Variants in CNTNAP5 observed in about 807,000 individuals in gnomAD.
CNTNAP5 encodes contactin-associated protein-like 5.
A neutral mutation model predicts 150.2 loss-of-function variants in CNTNAP5; 72 were observed. That is an observed-to-expected ratio of 0.48 (90% CI 0.40 to 0.58). The LOEUF (loss-of-function observed/expected upper bound fraction) is 0.58. Ranked by LOEUF, CNTNAP5 falls within the 20% of genes least tolerant of loss-of-function variation. The probability of loss-of-function intolerance (pLI) is 0.00; values close to 1 mark genes in which losing one functional copy is unlikely to be tolerated. For missense variants in CNTNAP5, 1,636 were observed against 1,626.2 expected (o/e 1.01, Z -0.10); for synonymous variants, 672 against 619.8 (o/e 1.08, Z -1.25).
chr2:124,550,797 G>C (rs1403447164), intron 10 of CNTNAP5, among the ~76,000 whole-genome samples: 2 of 151,988 alleles, frequency 1.3e-5, no homozygotes, highest in Non-Finnish European at 2.9e-5. Flanking sequence ...AAGCTAATAG[G>C]GGGTTCTCTT....
At position 124,307,419 on chromosome 2, in the gene CNTNAP5, C is replaced by A. The variant is rs540892156; in HGVS notation, c.381+65026C>A. ...TCAACATACGATTTGGGGAAGGACG[C>A]TAACCTACTGTCTACAACAAAGCTC... On this transcript the variant is annotated intron_variant, in intron 3 of 23. Transcript: ENST00000682447. Among the ~76,000 whole-genome samples the A allele has an allele frequency of 3.9e-5, 6 of 152,244 alleles. No individual in the cohort carries two copies. In the East Asian group the frequency reaches 1.2e-3, roughly 30 times the overall value.
At chr2:124,463,027 G>A (rs1000150946) in intron 6 of CNTNAP5, among the ~76,000 whole-genome samples, 1 of 152,154 alleles carries the variant, frequency 6.6e-6, no homozygotes, top group Non-Finnish European at 1.5e-5. Flanking sequence ...GAAGGCGGTG[G>A]CAACCTCCTA....
chr2:124,778,027 C>T (rs1177468942), intron 17 of CNTNAP5, among the ~76,000 whole-genome samples: 1 of 152,120 alleles, frequency 6.6e-6, no homozygotes, highest in Non-Finnish European at 1.5e-5. Context: ...TTATGTGAAA[C>T]TGGCATTCTA....
chr2:124,584,544 A>G (rs1696486905), intron 11 of CNTNAP5, among the ~76,000 whole-genome samples: 1 of 152,192 alleles, frequency 6.6e-6, no homozygotes, highest in African/African-American at 2.4e-5. Context: ...TGCACAAGCT[A>G]AAGGACACAG....
intron 8 of CNTNAP5, among the ~76,000 whole-genome samples, chr2:124,508,551 T>G (rs2104867929): frequency 6.6e-6 from 1 of 152,246 alleles, no homozygotes; most frequent in Non-Finnish European, 1.5e-5. Context: ...TAAGCGCACG[T>G]CAGTCCATTA....
chr2:124,322,155 TAATAATAATAAAATAA>T (rs1057431005), intron 3 of CNTNAP5, among the ~76,000 whole-genome samples: 4 of 141,194 alleles, frequency 2.8e-5, no homozygotes, highest in African/African-American at 1.1e-4. Flanking sequence ...ATCTCCAAAA[TAATAATAATAAAATAA>T]AATAAAATAA....
chr2:124,535,254 G>C (rs556158911), intron 10 of CNTNAP5, among the ~76,000 whole-genome samples: 1 of 152,264 alleles, frequency 6.6e-6, no homozygotes, highest in South Asian at 2.1e-4. Flanking sequence ...CCACACAGAG[G>C]GAGGCAAAGT....
chr2:124,618,952 C>T (rs542539724), intron 12 of CNTNAP5, among the ~76,000 whole-genome samples: 1 of 152,250 alleles, frequency 6.6e-6, no homozygotes, highest in African/African-American at 2.4e-5. Flanking sequence ...GTAAGAAACA[C>T]ACACTGAATA....
chr2:124,623,937 G>A (rs1677668178), intron 12 of CNTNAP5, among the ~76,000 whole-genome samples: 1 of 152,180 alleles, frequency 6.6e-6, no homozygotes, highest in Non-Finnish European at 1.5e-5. Context: ...GACTATTTTA[G>A]GCTGAAGAAT....
At chr2:124,309,888 T>G (rs1034608927) in intron 3 of CNTNAP5, among the ~76,000 whole-genome samples, 7 of 152,182 alleles carry the variant, frequency 4.6e-5, no homozygotes, top group South Asian at 4.1e-4. Flanking sequence ...GAAATACATA[T>G]TTATCCTAAG....
At chr2:124,499,784 G>A (rs1694235230) in intron 7 of CNTNAP5, among the ~76,000 whole-genome samples, 1 of 152,066 alleles carries the variant, frequency 6.6e-6, no homozygotes, top group South Asian at 2.1e-4. Flanking sequence ...ATTGTTATTG[G>A]TATTAATCAG....
At chr2:124,706,934 AAGAAGAAGG>A (rs1219216929) in intron 13 of CNTNAP5, among the ~76,000 whole-genome samples, 8 of 106,878 alleles carry the variant, frequency 7.5e-5, no homozygotes, top group African/African-American at 2.0e-4. Context: ...GAAGAAGAAG[AAGAAGAAGG>A]AGGAGGAGGA....
intron 14 of CNTNAP5, among the ~76,000 whole-genome samples, chr2:124,754,415 G>A (rs1316451277): frequency 6.6e-6 from 1 of 152,038 alleles, no homozygotes; most frequent in African/African-American, 2.4e-5. Flanking sequence ...TGCTCACTCG[G>A]TCCCTGAATT....
intron 20 of CNTNAP5, 90 bp downstream of exon 20, chr2:124,865,526 C>T: frequency 8.3e-7 from 1 of 1,201,410 alleles, no homozygotes; most frequent in Non-Finnish European, 1.2e-6. Context: ...CAGTGTAGTG[C>T]CTAGTGCTGG....
At chr2:124,754,832 C>T (rs75967114) in intron 14 of CNTNAP5, among the ~76,000 whole-genome samples, 1,736 of 151,890 alleles carry the variant, frequency 0.011, 33 homozygotes, top group African/African-American at 0.04. Flanking sequence ...GGATTACAGG[C>T]GTGAACCATT....
chr2:124,727,845 T>G (rs1680190844), intron 13 of CNTNAP5, among the ~76,000 whole-genome samples: 1 of 151,992 alleles, frequency 6.6e-6, no homozygotes, highest in South Asian at 2.1e-4. Context: ...AGTACTATGT[T>G]GAATAGAAGT....
chr2:124,061,000 T>C (rs1189391145), intron 1 of CNTNAP5, among the ~76,000 whole-genome samples: 2 of 152,136 alleles, frequency 1.3e-5, no homozygotes, highest in Non-Finnish European at 2.9e-5. Flanking sequence ...GGTCTGGGGC[T>C]GCCAGTGCCA....
At chr2:124,336,988 C>T (rs549608235) in intron 3 of CNTNAP5, among the ~76,000 whole-genome samples, 2 of 152,270 alleles carry the variant, frequency 1.3e-5, no homozygotes, top group South Asian at 2.1e-4. Flanking sequence ...TACAGTCCCA[C>T]CAACAGTGTA....
chr2:124,270,377 G>A (rs1356568199), intron 3 of CNTNAP5, among the ~76,000 whole-genome samples: 1 of 152,138 alleles, frequency 6.6e-6, no homozygotes, highest in Non-Finnish European at 1.5e-5. Context: ...AGGGAGCTTA[G>A]CAGTGATTCT....
Sources: gnomAD v4.1 joint callset for allele counts (sites outside exome capture counted in the v4.1 genomes callset) on GRCh38, gnomAD v4.1.1 for gene constraint, MANE v1.5 for transcripts, NCBI Gene and HGNC (gene_info 2026-07-23, HGNC 2026-07-21) for gene names.